The following SYT1 variants were observed in gnomAD, a reference collection of about 807,000 sequenced individuals.
SYT1 encodes the protein synaptotagmin 1.
Under a neutral mutation model 44.8 loss-of-function variants are expected in SYT1, and 8 were observed. The observed-to-expected ratio is 0.18, with a 90% CI of 0.10 to 0.32. The LOEUF (loss-of-function observed/expected upper bound fraction) is 0.32, where lower values mean the gene tolerates loss of function less well. SYT1 is among the 10% of genes least tolerant of loss of function. SYT1 has a pLI of 1.00. For synonymous variants in SYT1, 154 were observed against 188.8 expected (o/e 0.82, Z 1.51); for missense variants, 286 against 509.3 (o/e 0.56, Z 4.22).
rs77618454 is a variant in SYT1 at position 78,906,237 on chromosome 12, C to G, written c.-217+41128C>G. On this transcript the variant is annotated intron_variant, in intron 1 of 10. Coordinates refer to ENST00000261205, the MANE Select transcript of SYT1 (RefSeq NM_005639.3). ...ACAAAATGAAATCAAATATTAAGTT[C>G]TGGTGATTGATTTTATTGTAGGCTT... Among the ~76,000 whole-genome samples the G allele has an allele frequency of 1.6e-3, 245 of 151,920 alleles. 4 individuals carry two copies. Among genetic ancestry groups the G allele is most frequent in the Admixed American group, 0.013 (195 of 15,234 alleles).
intron 3 of SYT1, among the ~76,000 whole-genome samples, chr12:79,104,754 T>C (rs1383933240): frequency 6.6e-6 from 1 of 151,880 alleles, no homozygotes; most frequent in East Asian, 1.9e-4. Flanking sequence ...GATAGGATAA[T>C]AGCAAGTTGC....
At chr12:79,222,991 C>T (rs189224702) in intron 4 of SYT1, among the ~76,000 whole-genome samples, 142 of 151,918 alleles carry the variant, frequency 9.3e-4, no homozygotes, top group African/African-American at 3.3e-3. Flanking sequence ...ATTATTTAAA[C>T]CTCTATTAAA....
Position 79,376,148 on chromosome 12 carries a change from G to A in SYT1, c.928+22529G>A, listed in dbSNP as rs770732931. Among the ~76,000 whole-genome samples the A allele has an allele frequency of 3.6e-4, 55 of 152,120 alleles. 1 individual carries two copies. The highest frequency in any genetic ancestry group is 5.7e-4 in the Non-Finnish European group (39 of 68,028). On this transcript the variant is annotated intron_variant, in intron 9 of 10. Transcript: ENST00000261205. The stretch of plus-strand genomic sequence containing the variant: ...TCTTAATCTAAATGTTACAGGAAAG[G>A]GGTCCCAATCCAGACCCCAAGAGAG...
chr12:78,914,828 T>C (rs1417749578), intron 1 of SYT1, among the ~76,000 whole-genome samples: 4 of 151,982 alleles, frequency 2.6e-5, no homozygotes, highest in African/African-American at 7.2e-5. Flanking sequence ...ATTAAATATG[T>C]ACACTTGTGA....
At chr12:79,037,283 C>CT (rs1013143620) in intron 2 of SYT1, among the ~76,000 whole-genome samples, 32 of 150,618 alleles carry the variant, frequency 2.1e-4, no homozygotes, top group African/African-American at 5.1e-4. Flanking sequence ...AATTCCCATC[C>CT]TTTTTTTTTC....
chr12:79,195,508 GA>G (rs5799418), intron 3 of SYT1, among the ~76,000 whole-genome samples: 81,555 of 129,206 alleles, frequency 0.63, 24,816 homozygotes, highest in Admixed American at 0.67. Context: ...AGGTAACCCT[GA>G]AAAAAAAAAA....
At chr12:78,954,208 T>C (rs893558752) in intron 1 of SYT1, among the ~76,000 whole-genome samples, 19 of 152,104 alleles carry the variant, frequency 1.2e-4, no homozygotes, top group African/African-American at 4.6e-4. Context: ...GGTTGACACA[T>C]GTTTTCTTTT....
chr12:79,296,047 T>C, intron 6 of SYT1, 22 bp from the exon 7 acceptor site: 1 of 1,600,110 alleles, frequency 6.2e-7, no homozygotes, highest in East Asian at 2.2e-5. Flanking sequence ...TTATGTATGC[T>C]GTATTCTGTC....
At chr12:78,886,012 T>G (rs1189412017) in intron 1 of SYT1, among the ~76,000 whole-genome samples, 1 of 151,874 alleles carries the variant, frequency 6.6e-6, no homozygotes, top group Non-Finnish European at 1.5e-5. Context: ...CTATCCATTT[T>G]TTATAAGAAA....
intron 10 of SYT1, among the ~76,000 whole-genome samples, chr12:79,447,116 G>T (rs1382872796): frequency 6.6e-6 from 1 of 152,170 alleles, no homozygotes; most frequent in African/African-American, 2.4e-5. Flanking sequence ...AGGACAGACA[G>T]AAACTATGCC....
chr12:78,950,191 A>G (rs551678186), intron 1 of SYT1, among the ~76,000 whole-genome samples: 74 of 152,192 alleles, frequency 4.9e-4, no homozygotes, highest in African/African-American at 1.7e-3. Context: ...ACATTTTGCT[A>G]TAGACTAGAT....
At chr12:78,950,764 T>C (rs1047120763) in intron 1 of SYT1, among the ~76,000 whole-genome samples, 18 of 152,068 alleles carry the variant, frequency 1.2e-4, no homozygotes, top group African/African-American at 4.3e-4. Context: ...TCTCAAACTG[T>C]TTTCCTTAAC....
intron 3 of SYT1, among the ~76,000 whole-genome samples, chr12:79,152,179 A>G (rs1458624120): frequency 1.6e-4 from 25 of 152,170 alleles, no homozygotes; most frequent in Non-Finnish European, 2.9e-5. Flanking sequence ...ATGACCTGCG[A>G]GAAAAGAATG....
chr12:79,064,806 C>G (rs1400283335), intron 3 of SYT1, among the ~76,000 whole-genome samples: 1 of 151,848 alleles, frequency 6.6e-6, no homozygotes, highest in Admixed American at 6.6e-5. Flanking sequence ...CAAACACACA[C>G]ACACACACAT....
intron 1 of SYT1, among the ~76,000 whole-genome samples, chr12:78,888,567 T>G (rs1874873045): frequency 6.6e-6 from 1 of 152,068 alleles, no homozygotes; most frequent in African/African-American, 2.4e-5. Context: ...CTTAGAAATG[T>G]CCAATAAATA....
chr12:79,217,027 A>G (rs1177518833), intron 3 of SYT1, among the ~76,000 whole-genome samples: 1 of 152,190 alleles, frequency 6.6e-6, no homozygotes, highest in Non-Finnish European at 1.5e-5. Context: ...ATTACTTATA[A>G]CCATTTTTAA....
At chr12:79,429,920 G>T (rs1014080078) in intron 9 of SYT1, among the ~76,000 whole-genome samples, 9 of 152,114 alleles carry the variant, frequency 5.9e-5, no homozygotes, top group Non-Finnish European at 8.8e-5. Context: ...ACCATCTTAA[G>T]ATATATGGAT....
chr12:79,224,688 A>G (rs1875383371), intron 4 of SYT1, among the ~76,000 whole-genome samples: 1 of 151,768 alleles, frequency 6.6e-6, no homozygotes, highest in South Asian at 2.1e-4. Flanking sequence ...CTTTTTGAGC[A>G]GAGGTGTCCC....
At chr12:79,286,039 C>A in intron 5 of SYT1, 68 bp downstream of exon 5, 4 of 1,484,286 alleles carry the variant, frequency 2.7e-6, no homozygotes, top group Non-Finnish European at 3.6e-6. Context: ...TTATTTTATG[C>A]CATATAATTA....
Sources: gnomAD v4.1 joint callset for allele counts (sites outside exome capture counted in the v4.1 genomes callset) on GRCh38, gnomAD v4.1.1 for gene constraint, MANE v1.5 for transcripts, NCBI Gene and HGNC (gene_info 2026-07-23, HGNC 2026-07-21) for gene names.